DLC1: variants seen among roughly 807,000 people sequenced by gnomAD.
DLC1 encodes the protein rho GTPase-activating protein 7.
In DLC1, 54 loss-of-function variants were observed where a neutral mutation model predicts 140.3. The ratio of observed to expected loss-of-function variants is 0.38; its 90% CI spans 0.31 to 0.48. DLC1 has a LOEUF of 0.48. DLC1 is among the 20% of genes least tolerant of loss of function. The probability of loss-of-function intolerance (pLI) is 0.96; values close to 1 mark genes in which losing one functional copy is unlikely to be tolerated. For missense variants in DLC1, 2,536 were observed against 1,907.0 expected (o/e 1.33, Z -6.14); for synonymous variants, 986 against 728.1 (o/e 1.35, Z -5.70).
rs1203108397 is a variant in DLC1 at position 13,110,758 on chromosome 8, T to C, written c.1486A>G (p.Ile496Val). ...TCCATTTACCTGCATAGAGCCTCAA[T>C]GGCATCTCTGTCCAAAAAATCATGC... ...REHDFLDRDA[I>V]EALCRRLNTL... Residue 496 changes from isoleucine (I) to valine (V), a missense_variant, in exon 7 of 18, where the codon ATT becomes GTT. Ile to Val is a conservative substitution (Grantham distance 29). Coordinates refer to ENST00000276297, the MANE Select transcript of DLC1 (RefSeq NM_182643.3). The C allele has an allele frequency of 3.1e-6, 5 of 1,613,916 alleles. No homozygotes were observed. Among genetic ancestry groups the C allele is most frequent in the South Asian group, 1.1e-5 (1 of 91,082 alleles).
intron 5 of DLC1, among the ~76,000 whole-genome samples, chr8:13,177,357 C>G (rs1448071678): frequency 6.6e-6 from 1 of 152,142 alleles, no homozygotes; most frequent in African/African-American, 2.4e-5. Flanking sequence ...TCTATGTCAT[C>G]TATTTACTTT....
intron 5 of DLC1, among the ~76,000 whole-genome samples, chr8:13,241,562 T>A (rs1829545190): frequency 6.6e-6 from 1 of 152,190 alleles, no homozygotes; most frequent in Non-Finnish European, 1.5e-5. Flanking sequence ...AGTCTCTGAA[T>A]GTAGCGGAGG....
chr8:13,438,675 G>A (rs1332444524), intron 2 of DLC1, among the ~76,000 whole-genome samples: 1 of 152,008 alleles, frequency 6.6e-6, no homozygotes, highest in Non-Finnish European at 1.5e-5. Flanking sequence ...CCGAGGAAAC[G>A]CCTCCCCTAA....
intron 1 of DLC1, chr8:13,567,004 C>T (rs1309931441): frequency 7.1e-6 from 11 of 1,548,090 alleles, no homozygotes; most frequent in African/African-American, 1.4e-5. Flanking sequence ...GGCCATCTGC[C>T]CAGAATTGGC....
At chr8:13,310,225 T>A (rs1832619476) in intron 4 of DLC1, among the ~76,000 whole-genome samples, 1 of 152,218 alleles carries the variant, frequency 6.6e-6, no homozygotes, top group Non-Finnish European at 1.5e-5. Flanking sequence ...GTCAGAGCTT[T>A]CTTTTACATG....
Position 13,499,983 on chromosome 8 carries a change from G to A in DLC1, c.89C>T (p.Ala30Val). The part of the protein sequence containing the change: ...QPFNSDDRNT[A>V]CHHGLVADSL... ...GTCAGCTACTAGTCCATGATGACAT[G>A]CTGTGTTACGATCATCAGAATTAAA... Residue 30 changes from alanine (A) to valine (V), a missense_variant, in exon 2 of 18, where the codon GCA becomes GTA. By Grantham distance (64) the Ala-to-Val change is moderately conservative. Coordinates refer to ENST00000276297, the MANE Select transcript of DLC1 (RefSeq NM_182643.3). 2.5e-6 allele frequency: 4 copies of A among 1,614,064 alleles called. No homozygotes were observed. Among genetic ancestry groups the A allele is most frequent in the East Asian group, 2.2e-5 (1 of 44,870 alleles).
chr8:13,497,445 A>G (rs1801566254), intron 2 of DLC1, among the ~76,000 whole-genome samples: 3 of 152,252 alleles, frequency 2.0e-5, no homozygotes. Flanking sequence ...GCAATGTCAC[A>G]ACACTTTAGA....
intron 5 of DLC1, among the ~76,000 whole-genome samples, chr8:13,217,805 G>A (rs899564174): frequency 1.3e-5 from 2 of 151,366 alleles, no homozygotes; most frequent in African/African-American, 4.9e-5. Context: ...GCCACTGCAC[G>A]CCGGCCTGAG....
At chr8:13,305,171 G>T in intron 5 of DLC1, 98 bp downstream of exon 5, 2 of 1,511,366 alleles carry the variant, frequency 1.3e-6, no homozygotes, top group Non-Finnish European at 1.8e-6. Context: ...ATATTCATGA[G>T]ATGTATACAT....
intron 3 of DLC1, among the ~76,000 whole-genome samples, chr8:13,395,380 CA>C (rs983987117): frequency 6.6e-6 from 1 of 152,144 alleles, no homozygotes; most frequent in African/African-American, 2.4e-5. Context: ...CTTGGCCTCC[CA>C]AAAGCTGGGA....
intron 2 of DLC1, among the ~76,000 whole-genome samples, chr8:13,494,455 C>A (rs145690090): frequency 9.8e-4 from 149 of 152,238 alleles, no homozygotes; most frequent in African/African-American, 3.5e-3. Context: ...ACCCCTGTAG[C>A]CTTTTGCCTT....
intron 1 of DLC1, among the ~76,000 whole-genome samples, chr8:13,576,796 C>T (rs1002639519): frequency 3.3e-5 from 5 of 152,130 alleles, no homozygotes; most frequent in African/African-American, 1.2e-4. Context: ...AAAGCCTAGG[C>T]TGCAAGGACT....
At chr8:13,591,620 A>G (rs933620505) in intron 1 of DLC1, among the ~76,000 whole-genome samples, 3 of 152,054 alleles carry the variant, frequency 2.0e-5, no homozygotes, top group Non-Finnish European at 2.9e-5. Flanking sequence ...CAGGGGGATA[A>G]ATATTAGGAG....
Position 13,347,337 on chromosome 8 carries a change from C to G in DLC1, c.1315-42035G>C, listed in dbSNP as rs766243764. On this transcript the variant is annotated intron_variant, in intron 4 of 17. Coordinates refer to ENST00000276297, the MANE Select transcript of DLC1 (RefSeq NM_182643.3). ...ATAATGGTGATGAATAAAGTTTTAT[C>G]TACATTTCTGAGGGCCACCTGACAC... Among the ~76,000 whole-genome samples the G allele has an allele frequency of 1.6e-4, 24 of 152,172 alleles. 1 individual carries two copies. The highest frequency in any genetic ancestry group is 1.9e-4 in the East Asian group (1 of 5,198).
At chr8:13,567,337 G>T (rs1434249959) in intron 1 of DLC1, 2 of 1,551,706 alleles carry the variant, frequency 1.3e-6, no homozygotes, top group South Asian at 2.4e-5. Flanking sequence ...TCGGGTATCA[G>T]ATGAAGAATT....
chr8:13,113,642 G>A (rs1405979834), intron 6 of DLC1, among the ~76,000 whole-genome samples: 1 of 152,226 alleles, frequency 6.6e-6, no homozygotes, highest in Non-Finnish European at 1.5e-5. Flanking sequence ...TACTGCCAAT[G>A]CAGTTGTCTT....
chr8:13,498,058 C>T (rs750894282), intron 2 of DLC1, among the ~76,000 whole-genome samples: 25 of 151,986 alleles, frequency 1.6e-4, no homozygotes, highest in Admixed American at 3.3e-4. Context: ...GAACAAAGAA[C>T]ATTACTTTTG....
At chr8:13,319,485 G>C (rs956554740) in intron 4 of DLC1, among the ~76,000 whole-genome samples, 1 of 102,322 alleles carries the variant, frequency 9.8e-6, no homozygotes. Context: ...GGGGGGGGGG[G>C]GTGGATTTCC....
At position 13,372,402 on chromosome 8, in the gene DLC1, G is replaced by A. The variant is rs535021402; in HGVS notation, c.1314+21151C>T. Among the ~76,000 whole-genome samples, 4 of 152,240 alleles carry A rather than the reference G, an allele frequency of 2.6e-5. No individual in the cohort carries two copies. The South Asian group carries it at 8.3e-4, about 32-fold the overall frequency. On this transcript the variant is annotated intron_variant, in intron 4 of 17. Coordinates refer to ENST00000276297, the MANE Select transcript of DLC1 (RefSeq NM_182643.3). The stretch of plus-strand genomic sequence containing the variant: ...TTTACAACCATTTTGTACACAAACA[G>A]AAGAACCGTTTGAGGATTGGTGGTC...
Sources: allele counts gnomAD v4.1 joint callset (sites outside exome capture counted in the v4.1 genomes callset), GRCh38; gene constraint gnomAD v4.1.1; transcripts MANE v1.5; gene names NCBI Gene and HGNC (gene_info 2026-07-23, HGNC 2026-07-21).